Variants in SNX29 observed in about 807,000 individuals in gnomAD.
SNX29 encodes sorting nexin-29.
SNX29 carries 78 observed loss-of-function variants against 102.1 expected under a neutral mutation model. That is an observed-to-expected ratio of 0.76 (90% confidence interval 0.64 to 0.92). The LOEUF is 0.92. SNX29 is among the 40% of genes least tolerant of loss of function. The probability of loss-of-function intolerance (pLI) is 0.00; values close to 1 mark genes in which losing one functional copy is unlikely to be tolerated. For synonymous variants in SNX29, 580 were observed against 414.5 expected, an observed-to-expected ratio of 1.40 and a Z score of -4.85; for missense variants, 1,280 against 1,061.7, an observed-to-expected ratio of 1.21 and a Z score of -2.86.
chr16:12,076,594 G>A (rs975427765), intron 10 of SNX29, among the ~76,000 whole-genome samples: 1 of 152,090 alleles, frequency 6.6e-6, no homozygotes, highest in Admixed American at 6.6e-5. Flanking sequence ...GAGCCACCAC[G>A]CCCAGCCTGG....
intron 18 of SNX29, among the ~76,000 whole-genome samples, chr16:12,438,114 A>C (rs1331002164): frequency 6.6e-6 from 1 of 151,898 alleles, no homozygotes; most frequent in African/African-American, 2.4e-5. Flanking sequence ...CTCTTGGCCT[A>C]GCTTGGGCAG....
intron 18 of SNX29, among the ~76,000 whole-genome samples, chr16:12,414,193 C>A (rs115201058): frequency 2.6e-5 from 4 of 151,988 alleles, no homozygotes; most frequent in Admixed American, 1.3e-4. Context: ...CCCACTGATA[C>A]GGAGGGCTGA....
At chr16:12,492,075 TC>T (rs1473938505) in intron 19 of SNX29, among the ~76,000 whole-genome samples, 1 of 152,212 alleles carries the variant, frequency 6.6e-6, no homozygotes, top group East Asian at 1.9e-4. Context: ...AGATGGTATT[TC>T]CAGTTCTAGA....
chr16:12,432,263 C>T (rs910058923), intron 18 of SNX29, among the ~76,000 whole-genome samples: 2 of 152,212 alleles, frequency 1.3e-5, no homozygotes, highest in Non-Finnish European at 1.5e-5. Context: ...TACCGTTAGT[C>T]ATGGCTGTTT....
chr16:12,006,746 G>A (rs1207811169), intron 3 of SNX29, among the ~76,000 whole-genome samples: 1 of 151,912 alleles, frequency 6.6e-6, no homozygotes, highest in African/African-American at 2.4e-5. Flanking sequence ...AGCCTCCTGA[G>A]TAGCTAAGAC....
chr16:12,138,030 G>A (rs1234949279), intron 13 of SNX29, among the ~76,000 whole-genome samples: 2 of 152,122 alleles, frequency 1.3e-5, no homozygotes, highest in Non-Finnish European at 2.9e-5. Context: ...AAAGAGTGTT[G>A]TTATTGATTA....
At chr16:12,545,777 T>C (rs1008096224) in intron 20 of SNX29, among the ~76,000 whole-genome samples, 2 of 152,014 alleles carry the variant, frequency 1.3e-5, no homozygotes, top group East Asian at 1.9e-4. Flanking sequence ...TTTTAAACAG[T>C]ACCTTTCACC....
intron 18 of SNX29, among the ~76,000 whole-genome samples, chr16:12,452,524 T>C (rs1477377312): frequency 6.6e-6 from 1 of 152,162 alleles, no homozygotes; most frequent in Non-Finnish European, 1.5e-5. Context: ...AGTTGCCTCA[T>C]ACAGCCTGGA....
rs148196702 is a variant in SNX29, at chr16:12,175,357, G to T, written c.1596-24244G>T. Among the ~76,000 whole-genome samples, 766 of 152,200 alleles carry T rather than the reference G, an allele frequency of 5.0e-3. 20 individuals are homozygous for T. The highest frequency in any genetic ancestry group is 0.038 in the Admixed American group (580 of 15,278). ...AAGTGAAATGAGGTCATAAGTGGGG[G>T]GCTGGCCGGGCATGGTGGATCATGC... On this transcript the variant is annotated intron_variant, in intron 13 of 20. Coordinates refer to ENST00000566228, the MANE Select transcript of SNX29 (RefSeq NM_032167.5).
chr16:12,245,061 A>G (rs2078220639), intron 14 of SNX29, among the ~76,000 whole-genome samples: 1 of 152,198 alleles, frequency 6.6e-6, no homozygotes, highest in African/African-American at 2.4e-5. Flanking sequence ...ACAGTGATAG[A>G]AAACATTGAT....
chr16:12,005,097 G>A (rs1167037583), intron 3 of SNX29, among the ~76,000 whole-genome samples: 1 of 152,186 alleles, frequency 6.6e-6, no homozygotes, highest in African/African-American at 2.4e-5. Context: ...GGCAGAAAGG[G>A]TGTTTCTCCA....
At chr16:12,563,323 T>G (rs986528652) in intron 20 of SNX29, among the ~76,000 whole-genome samples, 2 of 152,048 alleles carry the variant, frequency 1.3e-5, no homozygotes, top group Non-Finnish European at 2.9e-5. Flanking sequence ...CTGGAGAGAG[T>G]CACCGTCGAG....
chr16:12,547,109 G>C (rs900495178), intron 20 of SNX29, among the ~76,000 whole-genome samples: 4 of 152,198 alleles, frequency 2.6e-5, no homozygotes, highest in Non-Finnish European at 4.4e-5. Flanking sequence ...CCAGTGAAAA[G>C]ACAGGAAATG....
chr16:12,392,266 T>G (rs943057301), intron 16 of SNX29, among the ~76,000 whole-genome samples: 1 of 152,238 alleles, frequency 6.6e-6, no homozygotes, highest in African/African-American at 2.4e-5. Context: ...TTTCATTCCT[T>G]GTTTCCAGGC....
chr16:12,551,931 G>T (rs899700303), intron 20 of SNX29, among the ~76,000 whole-genome samples: 1 of 152,180 alleles, frequency 6.6e-6, no homozygotes, highest in South Asian at 2.1e-4. Flanking sequence ...CAGAGCCACT[G>T]TGAGGATCCA....
chr16:12,367,845 T>C (rs977214786), intron 16 of SNX29, among the ~76,000 whole-genome samples: 2 of 152,362 alleles, frequency 1.3e-5, no homozygotes, highest in African/African-American at 4.8e-5. Flanking sequence ...AAAGTGCCAT[T>C]TAAGAGGGGC....
At chr16:12,428,527 T>C (rs1164027655) in intron 18 of SNX29, among the ~76,000 whole-genome samples, 1 of 152,226 alleles carries the variant, frequency 6.6e-6, no homozygotes, top group Non-Finnish European at 1.5e-5. Flanking sequence ...GCAATTAATA[T>C]CTCCTTCTAG....
intron 18 of SNX29, among the ~76,000 whole-genome samples, chr16:12,467,635 C>T (rs974392230): frequency 1.2e-4 from 16 of 136,262 alleles, no homozygotes; most frequent in African/African-American, 4.0e-4. Context: ...TTCGTTCGTT[C>T]GTTCATTCAT....
chr16:12,149,857 G>A (rs960965148), intron 13 of SNX29, among the ~76,000 whole-genome samples: 2 of 152,142 alleles, frequency 1.3e-5, no homozygotes, highest in African/African-American at 2.4e-5. Context: ...AGGACTCAAG[G>A]ATCACAGAGA....
Sources: gnomAD v4.1 joint callset for allele counts (sites outside exome capture counted in the v4.1 genomes callset) on GRCh38, gnomAD v4.1.1 for gene constraint, MANE v1.5 for transcripts, NCBI Gene and HGNC (gene_info 2026-07-23, HGNC 2026-07-21) for gene names.